CSMD1: variants seen among roughly 807,000 people sequenced by gnomAD.
CSMD1 encodes CUB and Sushi multiple domains 1.
In CSMD1, 213 loss-of-function variants were observed where a neutral mutation model predicts 417.5. The ratio of observed to expected loss-of-function variants is 0.51; its 90% CI spans 0.46 to 0.57. CSMD1 has a LOEUF of 0.57. CSMD1 is among the 20% of genes least tolerant of loss of function. CSMD1 has a pLI of 0.00. For synonymous variants in CSMD1, 2,862 were observed against 1,736.8 expected, an observed-to-expected ratio of 1.65 and a Z score of -16.11; for missense variants, 6,923 against 4,529.7, an observed-to-expected ratio of 1.53 and a Z score of -15.17.
intron 21 of CSMD1, among the ~76,000 whole-genome samples, chr8:3,356,316 C>G (rs1054733947): frequency 1.3e-5 from 2 of 152,128 alleles, no homozygotes; most frequent in African/African-American, 4.8e-5. Context: ...TTTGGATACA[C>G]AGAACTTAGG....
intron 8 of CSMD1, among the ~76,000 whole-genome samples, chr8:3,594,806 G>A (rs1464402541): frequency 6.6e-6 from 1 of 152,172 alleles, no homozygotes; most frequent in Non-Finnish European, 1.5e-5. Flanking sequence ...ACCTCCGAGG[G>A]AACCGCGGTG....
At chr8:3,474,311 C>A (rs533896464) in intron 11 of CSMD1, among the ~76,000 whole-genome samples, 5 of 151,832 alleles carry the variant, frequency 3.3e-5, no homozygotes, top group Non-Finnish European at 5.9e-5. Context: ...GGACAATAAA[C>A]AATGCAATAG....
intron 3 of CSMD1, among the ~76,000 whole-genome samples, chr8:4,369,207 T>C (rs563789960): frequency 6.6e-6 from 1 of 152,310 alleles, no homozygotes; most frequent in South Asian, 2.1e-4. Flanking sequence ...ATTCTTTACC[T>C]AAAAGTCATT....
intron 7 of CSMD1, among the ~76,000 whole-genome samples, chr8:3,643,642 A>G (rs1207133423): frequency 6.9e-6 from 1 of 144,546 alleles, no homozygotes; most frequent in East Asian, 2.1e-4. Flanking sequence ...TGGAGCTTGC[A>G]GTGAGCCGAG....
At chr8:3,812,329 G>A (rs943819163) in intron 5 of CSMD1, among the ~76,000 whole-genome samples, 4 of 152,060 alleles carry the variant, frequency 2.6e-5, no homozygotes, top group African/African-American at 9.7e-5. Flanking sequence ...GCCTCTCAAT[G>A]AGTCATGTGA....
At chr8:3,191,253 G>C (rs1219169589) in intron 33 of CSMD1, among the ~76,000 whole-genome samples, 1 of 152,012 alleles carries the variant, frequency 6.6e-6, no homozygotes, top group East Asian at 1.9e-4. Context: ...TCGAGAGTTC[G>C]TTTATCAGCC....
chr8:3,682,160 G>A (rs1799698681), intron 7 of CSMD1, among the ~76,000 whole-genome samples: 1 of 152,098 alleles, frequency 6.6e-6, no homozygotes, highest in Non-Finnish European at 1.5e-5. Context: ...AACACCAAAA[G>A]CAATGGCAAC....
Position 3,287,723 on chromosome 8 carries a change from C to A in CSMD1, c.3951-3377G>T, listed in dbSNP as rs1382090696. ...TGGGGCTGAGACGATGGGGTTTTCT[C>A]CATATACAATCACGTCATCTGCCAA... On this transcript the variant is annotated intron_variant, in intron 25 of 69. Transcript: ENST00000635120. Among the ~76,000 whole-genome samples the A allele has an allele frequency of 2.2e-4, 34 of 152,172 alleles. 1 individual carries two copies. The South Asian group carries it at 6.2e-3, about 28-fold the overall frequency.
chr8:3,390,433 C>G (rs1378614506), intron 17 of CSMD1, among the ~76,000 whole-genome samples: 1 of 137,046 alleles, frequency 7.3e-6, no homozygotes. Context: ...TTATGATAAA[C>G]TAAGACCAGT....
intron 16 of CSMD1, among the ~76,000 whole-genome samples, chr8:3,397,266 G>A (rs150227242): frequency 1.3e-5 from 2 of 152,244 alleles, no homozygotes; most frequent in African/African-American, 2.4e-5. Flanking sequence ...AGGATCCCAC[G>A]GAAGCCTGTG....
At chr8:4,425,620 A>T (rs1305454990) in intron 2 of CSMD1, among the ~76,000 whole-genome samples, 2 of 152,146 alleles carry the variant, frequency 1.3e-5, no homozygotes. Context: ...CCTTTCCATG[A>T]GGGCCCTTGC....
intron 2 of CSMD1, among the ~76,000 whole-genome samples, chr8:4,489,842 T>C (rs1801611453): frequency 6.6e-6 from 1 of 152,136 alleles, no homozygotes; most frequent in South Asian, 2.1e-4. Context: ...TGCAGCCTTG[T>C]GAGGTCGTAA....
chr8:3,720,145 C>T lies in CSMD1; in HGVS notation c.932-11654G>A, dbSNP rs118024687. 5.3e-4 allele frequency among the ~76,000 whole-genome samples: 80 copies of T among 152,286 alleles called. 1 individual carries two copies. In the East Asian group the frequency reaches 0.014, roughly 26 times the overall value. On this transcript the variant is annotated intron_variant, in intron 6 of 69. Coordinates refer to ENST00000635120, the MANE Select transcript of CSMD1 (RefSeq NM_033225.6). Reference sequence around the variant, plus strand: ...ATGCAACTCTTTATTCAGCTTTTCCCGTTAAACTTCACCGCACACAGGAAG... The same window carrying T: ...ATGCAACTCTTTATTCAGCTTTTCCTGTTAAACTTCACCGCACACAGGAAG...
chr8:3,190,499 TA>T (rs768036931), intron 33 of CSMD1, among the ~76,000 whole-genome samples: 3 of 152,156 alleles, frequency 2.0e-5, no homozygotes, highest in Non-Finnish European at 2.9e-5. Flanking sequence ...ATGAGATGAC[TA>T]ACCATGCGTA....
chr8:3,459,181 A>G (rs1487473466), intron 12 of CSMD1, among the ~76,000 whole-genome samples: 1 of 152,216 alleles, frequency 6.6e-6, no homozygotes, highest in Admixed American at 6.5e-5. Flanking sequence ...AGGGGCAGAA[A>G]TTCAGTGACT....
chr8:3,751,944 G>C (rs751679077), intron 6 of CSMD1, among the ~76,000 whole-genome samples: 7 of 152,286 alleles, frequency 4.6e-5, no homozygotes, highest in Non-Finnish European at 5.9e-5. Context: ...CATTGGCCTT[G>C]TAAATATTGA....
intron 26 of CSMD1, among the ~76,000 whole-genome samples, chr8:3,250,144 G>C (rs191615085): frequency 1.3e-5 from 2 of 152,244 alleles, no homozygotes; most frequent in Non-Finnish European, 2.9e-5. Context: ...TGCCGTGTTG[G>C]TGTGGTACAC....
At chr8:3,375,975 A>G (rs1027234171) in intron 18 of CSMD1, among the ~76,000 whole-genome samples, 2 of 152,176 alleles carry the variant, frequency 1.3e-5, no homozygotes, top group Non-Finnish European at 2.9e-5. Context: ...CAAGCTTTCG[A>G]TATCCCAAAT....
intron 7 of CSMD1, among the ~76,000 whole-genome samples, chr8:3,680,202 A>C (rs1037301427): frequency 6.6e-6 from 1 of 152,152 alleles, no homozygotes; most frequent in Non-Finnish European, 1.5e-5. Flanking sequence ...GAAATGAAGG[A>C]GATGGAGATA....
Sources: allele counts gnomAD v4.1 joint callset (sites outside exome capture counted in the v4.1 genomes callset), GRCh38; gene constraint gnomAD v4.1.1; transcripts MANE v1.5; gene names NCBI Gene and HGNC (gene_info 2026-07-23, HGNC 2026-07-21).